The following KLLN variants were observed in gnomAD, a reference collection of about 807,000 sequenced individuals.
The protein encoded by KLLN is killin, p53 regulated DNA replication inhibitor.
For missense variants in KLLN, 340 were observed against 241.3 expected (o/e 1.41, Z -2.71); for synonymous variants, 142 against 102.2 (o/e 1.39, Z -2.35).
In KLLN at chr10:87,862,414, T is replaced by G. The variant is rs1284247397; in HGVS notation, c.74A>C (p.Lys25Thr). 1.3e-6 allele frequency: 2 copies of G among 1,551,606 alleles called. No individual in the cohort carries two copies. The highest frequency in any genetic ancestry group is 3.9e-5 in the Admixed American group (2 of 51,004). ...VHVWGYRVEWKVRNGRKLQPS... is the reference protein window; with the variant it reads ...VHVWGYRVEWTVRNGRKLQPS... ...CTGCAGCTTCCTACCGTTCCGTACT[T>G]TCCACTCAACCCGGTAACCCCAAAC... The change falls in exon 1 of 1, where the codon AAA (lysine) becomes ACA (threonine). Residue 25 changes from lysine to threonine, a missense_variant. Transcript: ENST00000445946.
Position 87,862,534 on chromosome 10 carries a change from C to A in KLLN, c.-47G>T. On this transcript the variant is annotated 5_prime_UTR_variant, in exon 1 of 1. Coordinates refer to ENST00000445946, the MANE Select transcript of KLLN (RefSeq NM_001126049.2). ...CCAAGGGGGGGCGGGGCTAGGTGGT[C>A]TCTGAGAACCGAGCTTGACTCCGAC... 2 of 1,481,378 alleles carry A rather than the reference C, an allele frequency of 1.4e-6. No homozygotes were observed. Among genetic ancestry groups the A allele is most frequent in the South Asian group, 1.3e-5 (1 of 77,708 alleles). 91.8% of individuals were successfully genotyped at this position (1,481,378 alleles called of 1,614,324 possible).
chr10:87,862,783 G>A lies in KLLN; in HGVS notation c.-296C>T. On this transcript the variant is annotated 5_prime_UTR_variant, in exon 1 of 1. Transcript: ENST00000445946. ...TTTAGGGCAAACGAGCCGAGTTACC[G>A]GGGAAGCGAGAGGTGGGGCGCTGCA... The A allele has an allele frequency of 2.1e-6, 1 of 473,198 alleles. No homozygotes were observed. The highest frequency in any genetic ancestry group is 3.9e-6 in the Non-Finnish European group (1 of 254,250). 29.3% of individuals were successfully genotyped at this position (473,198 alleles called of 1,614,324 possible).
In KLLN at chr10:87,861,620, A is replaced by T. The variant is rs1858256831; in HGVS notation, c.*331T>A. On this transcript the variant is annotated 3_prime_UTR_variant, in exon 1 of 1. Transcript: ENST00000445946. ...TCTCTCACGGTGACAGGTCAGCCCA[A>T]TCGGGGCTGTAAACAGACTTGACAG... is the stretch of plus-strand genomic sequence containing the variant. The T allele has an allele frequency of 3.9e-6, 1 of 254,636 alleles. No homozygotes were observed. The highest frequency in any genetic ancestry group is 5.1e-5 in the Admixed American group (1 of 19,570). The allele number at this position is 254,636 out of a possible 1,614,324, so 15.8% of individuals were successfully genotyped here.
rs1858245592 is a variant in KLLN at position 87,860,860 on chromosome 10, TGGTTATTTATACAATA to T, written c.*1075_*1090del. ...CTAGACATCAGGAACTCCTTATCTT[TGGTTATTTATACAATA>T]ATGAAATCTGTAGTTCACGCTAGGC... On this transcript the variant is annotated 3_prime_UTR_variant, in exon 1 of 1. Coordinates refer to ENST00000445946, the MANE Select transcript of KLLN (RefSeq NM_001126049.2). 6.6e-6 allele frequency: 1 copy of T among 152,238 alleles called. No individual in the cohort carries two copies. The allele number at this position is 152,238 out of a possible 1,614,324, so 9.4% of individuals were successfully genotyped here.
chr10:87,862,266 G>A lies in KLLN; in HGVS notation c.222C>T (p.Ser74=), dbSNP rs1333637863. The change falls in exon 1 of 1, where the codon TCC becomes TCT. Residue 74 remains serine, a synonymous_variant. Coordinates refer to ENST00000445946, the MANE Select transcript of KLLN (RefSeq NM_001126049.2). ...RSRVSLVGEL[S]KFPLPSDSSG... is the part of the protein sequence containing the mutation. ...AGCTATCACTGGGGAGTGGGAATTT[G>A]GAAAGTTCCCCAACTAGGGACACAC... 1.9e-6 allele frequency: 3 copies of A among 1,551,706 alleles called. No homozygotes were observed. Among genetic ancestry groups the A allele is most frequent in the African/African-American group, 1.4e-5 (1 of 73,178 alleles).
rs899815496 is a variant in KLLN at position 87,862,408 on chromosome 10, C to G, written c.80G>C (p.Arg27Pro). 3.9e-6 allele frequency: 6 copies of G among 1,551,670 alleles called. No individual in the cohort carries two copies. The highest frequency in any genetic ancestry group is 5.2e-6 in the Non-Finnish European group (6 of 1,146,982). The change falls in exon 1 of 1, where the codon CGG becomes CCG. Residue 27 changes from arginine (R) to proline (P), a missense_variant. Physicochemically the swap from Arg to Pro is moderately radical, Grantham distance 103 (BLOSUM62 -2). Coordinates refer to ENST00000445946, the MANE Select transcript of KLLN (RefSeq NM_001126049.2). ...GCTGGGCTGCAGCTTCCTACCGTTC[C>G]GTACTTTCCACTCAACCCGGTAACC... ...VWGYRVEWKV[R>P]NGRKLQPSEW...
In KLLN at chr10:87,862,314, T is replaced by G. The variant is rs1444893468; in HGVS notation, c.174A>C (p.Gly58=). The G allele has an allele frequency of 1.9e-6, 3 of 1,551,596 alleles. No individual in the cohort carries two copies. The highest frequency in any genetic ancestry group is 1.2e-5 in the South Asian group (1 of 84,064). ...RRWKDTRATV[G]TTFRRRSRVS... The stretch of plus-strand genomic sequence containing the variant: ...CACGTGACCTCCTTCGGAAAGTAGT[T>G]CCGACTGTGGCCCGTGTATCCTTCC... Residue 58 remains glycine, a synonymous_variant, in exon 1 of 1, where the codon GGA becomes GGC. Coordinates refer to ENST00000445946, the MANE Select transcript of KLLN (RefSeq NM_001126049.2).
Position 87,860,278 on chromosome 10 carries a change from C to T in KLLN, c.*1673G>A, listed in dbSNP as rs1858235823. The T allele has an allele frequency of 6.6e-6, 1 of 152,188 alleles. No homozygotes were observed. The highest frequency in any genetic ancestry group is 2.4e-5 in the African/African-American group (1 of 41,442). 9.4% of individuals were successfully genotyped at this position (152,188 alleles called of 1,614,324 possible). On this transcript the variant is annotated 3_prime_UTR_variant, in exon 1 of 1. Coordinates refer to ENST00000445946, the MANE Select transcript of KLLN (RefSeq NM_001126049.2). ...GAAGGAGGATTTTATTCACCAACTC[C>T]TAATAACCACCTGATGTTGCTGTTG... is the stretch of plus-strand genomic sequence containing the variant.
In KLLN at chr10:87,862,331, T is replaced by A. The variant is rs1219074532; in HGVS notation, c.157A>T (p.Thr53Ser). 2 of 1,551,530 alleles carry A rather than the reference T, an allele frequency of 1.3e-6. No homozygotes were observed. Among genetic ancestry groups the A allele is most frequent in the Non-Finnish European group, 1.7e-6 (2 of 1,146,786 alleles). ...AAAGTAGTTCCGACTGTGGCCCGTG[T>A]ATCCTTCCACCTCCTTTTGAACCCT... is the stretch of plus-strand genomic sequence containing the variant. ...LGGFKRRWKD[T>S]RATVGTTFRR... Residue 53 changes from threonine (T) to serine (S), a missense_variant, in exon 1 of 1, where the codon ACA (threonine) becomes TCA (serine). Transcript: ENST00000445946.
rs1858255091 is a variant in KLLN, at chr10:87,861,530, T to C, written c.*421A>G. Reference sequence around the variant, plus strand: ...TTAAGCGGGTCGACTACTTGCTTTGTAGATCCTTGACGGGTGGGGTGCGGG... The same window carrying C: ...TTAAGCGGGTCGACTACTTGCTTTGCAGATCCTTGACGGGTGGGGTGCGGG... On this transcript the variant is annotated 3_prime_UTR_variant, in exon 1 of 1. Transcript: ENST00000445946. The C allele has an allele frequency of 1.8e-5, 3 of 169,178 alleles. No homozygotes were observed. The highest frequency in any genetic ancestry group is 7.1e-5 in the African/African-American group (3 of 42,162). 10.5% of individuals were successfully genotyped at this position (169,178 alleles called of 1,614,324 possible). A position where few individuals can be genotyped will look rare whatever the true frequency, so the allele number is the denominator to read the frequency against.
At position 87,861,800 on chromosome 10, in the gene KLLN, G is replaced by GC. The variant is rs1564798478; in HGVS notation, c.*150_*151insG. 1 of 589,992 alleles carries GC rather than the reference G, an allele frequency of 1.7e-6. No homozygotes were observed. The highest frequency in any genetic ancestry group is 1.9e-5 in the African/African-American group (1 of 52,866). The allele number at this position is 589,992 out of a possible 1,614,324, so 36.5% of individuals were successfully genotyped here. On this transcript the variant is annotated 3_prime_UTR_variant, in exon 1 of 1. Coordinates refer to ENST00000445946, the MANE Select transcript of KLLN (RefSeq NM_001126049.2). ...ATGCACGCTCTGGGCTGCAGCAGGA[G>GC]ATACCCTCAAGCACAGAACCAAAAG...
chr10:87,860,709 A>G lies in KLLN; in HGVS notation c.*1242T>C, dbSNP rs893591399. On this transcript the variant is annotated 3_prime_UTR_variant, in exon 1 of 1. Transcript: ENST00000445946. ...ATCAGCAATCTAAGAAACAAATGTG[A>G]GACATTTTACCCCTCCCTAATCTAC... is the stretch of plus-strand genomic sequence containing the variant. 6.6e-6 allele frequency: 1 copy of G among 152,270 alleles called. No homozygotes were observed. Among genetic ancestry groups the G allele is most frequent in the Non-Finnish European group, 1.5e-5 (1 of 68,064 alleles). The allele number at this position is 152,270 out of a possible 1,614,324, so 9.4% of individuals were successfully genotyped here.
Position 87,863,508 on chromosome 10 carries a change from C to A in KLLN, c.-1021G>T. The A allele has an allele frequency of 2.6e-6, 1 of 384,852 alleles. No homozygotes were observed. Among genetic ancestry groups the A allele is most frequent in the Non-Finnish European group, 4.6e-6 (1 of 216,870 alleles). The allele number at this position is 384,852 out of a possible 1,614,324, so 23.8% of individuals were successfully genotyped here. ...CGCCTCCCCTCGGTCTTCCGAGGCGCCCGGGCTCCCGGCGCGGCGGCGGAG... is the reference window on the plus strand; with the variant it reads ...CGCCTCCCCTCGGTCTTCCGAGGCGACCGGGCTCCCGGCGCGGCGGCGGAG... On this transcript the variant is annotated 5_prime_UTR_variant, in exon 1 of 1. Coordinates refer to ENST00000445946, the MANE Select transcript of KLLN (RefSeq NM_001126049.2).
chr10:87,862,790 C>G lies in KLLN; in HGVS notation c.-303G>C, dbSNP rs977791268. 4.3e-6 allele frequency: 2 copies of G among 460,326 alleles called. No individual in the cohort carries two copies. Among genetic ancestry groups the G allele is most frequent in the African/African-American group, 3.9e-5 (2 of 51,366 alleles). 28.5% of individuals were successfully genotyped at this position (460,326 alleles called of 1,614,324 possible). ...CAAACGAGCCGAGTTACCGGGGAAG[C>G]GAGAGGTGGGGCGCTGCAAGGGAGC... is the stretch of plus-strand genomic sequence containing the variant. On this transcript the variant is annotated 5_prime_UTR_variant, in exon 1 of 1. Transcript: ENST00000445946.
rs1858231564 is a variant in KLLN, at chr10:87,860,024, A to AAAAAAAAAAAG, written c.*1916_*1926dup. On this transcript the variant is annotated 3_prime_UTR_variant, in exon 1 of 1. Transcript: ENST00000445946. The stretch of plus-strand genomic sequence containing the variant: ...CTGTGAGACTCCGTCTCAAAAAAAA[A>AAAAAAAAAAAG]AAAAAAAAAAGAAAAAAAAAAAAAG... 6.7e-6 allele frequency: 1 copy of AAAAAAAAAAAG among 149,764 alleles called. No individual in the cohort carries two copies. The highest frequency in any genetic ancestry group is 2.5e-5 in the African/African-American group (1 of 40,176). 9.3% of individuals were successfully genotyped at this position (149,764 alleles called of 1,614,324 possible).
chr10:87,862,831 A>C lies in KLLN; in HGVS notation c.-344T>G. 1 of 374,750 alleles carries C rather than the reference A, an allele frequency of 2.7e-6. No individual in the cohort carries two copies. The highest frequency in any genetic ancestry group is 5.2e-6 in the Non-Finnish European group (1 of 193,302). 23.2% of individuals were successfully genotyped at this position (374,750 alleles called of 1,614,324 possible). On this transcript the variant is annotated 5_prime_UTR_variant, in exon 1 of 1. Transcript: ENST00000445946. ...GCAAGGGAGCCGGATGAGGTGATAC[A>C]CGCTGGCGACACAATAGCAGGTTGC...
Position 87,862,698 on chromosome 10 carries a change from G to T in KLLN, c.-211C>A. 1 of 590,532 alleles carries T rather than the reference G, an allele frequency of 1.7e-6. No individual in the cohort carries two copies. The highest frequency in any genetic ancestry group is 3.1e-6 in the Non-Finnish European group (1 of 323,372). The allele number at this position is 590,532 out of a possible 1,614,324, so 36.6% of individuals were successfully genotyped here. ...GTTCATTTAGATAGGTGCCCTTTGG[G>T]CCCTTGAAATTCAACGGCTATGTGT... On this transcript the variant is annotated 5_prime_UTR_variant, in exon 1 of 1. Transcript: ENST00000445946.
Position 87,863,396 on chromosome 10 carries a change from C to G in KLLN, c.-909G>C. The stretch of plus-strand genomic sequence containing the variant: ...GGGGACTCTGCGCTCGCACCCAGAG[C>G]TACCGCTCTGCCCCCTCCTACCGCC... On this transcript the variant is annotated 5_prime_UTR_variant, in exon 1 of 1. Coordinates refer to ENST00000445946, the MANE Select transcript of KLLN (RefSeq NM_001126049.2). 1 of 358,340 alleles carries G rather than the reference C, an allele frequency of 2.8e-6. No individual in the cohort carries two copies. Among genetic ancestry groups the G allele is most frequent in the African/African-American group, 2.1e-5 (1 of 47,434 alleles). The allele number at this position is 358,340 out of a possible 1,614,324, so 22.2% of individuals were successfully genotyped here. A position where few individuals can be genotyped will look rare whatever the true frequency, so the allele number is the denominator to read the frequency against.
rs1858254237 is a variant in KLLN, at chr10:87,861,484, T to A, written c.*467A>T. On this transcript the variant is annotated 3_prime_UTR_variant, in exon 1 of 1. Coordinates refer to ENST00000445946, the MANE Select transcript of KLLN (RefSeq NM_001126049.2). Reference sequence around the variant, plus strand: ...ATGAAAAAACAATAAATTCCCAGACTGGTGTTGATGCTCATTCTCTTTAAG... The same window carrying A: ...ATGAAAAAACAATAAATTCCCAGACAGGTGTTGATGCTCATTCTCTTTAAG... 1 of 157,352 alleles carries A rather than the reference T, an allele frequency of 6.4e-6. No individual in the cohort carries two copies. The highest frequency in any genetic ancestry group is 1.9e-4 in the East Asian group (1 of 5,346). The allele number at this position is 157,352 out of a possible 1,614,324, so 9.7% of individuals were successfully genotyped here.
Sources: allele counts gnomAD v4.1 joint callset, GRCh38; gene constraint gnomAD v4.1.1; transcripts MANE v1.5; gene names NCBI Gene and HGNC (gene_info 2026-07-23, HGNC 2026-07-21).